ZNF624: variants seen among roughly 807,000 people sequenced by gnomAD.
The protein encoded by ZNF624 is zinc finger protein 624.
In ZNF624, 43 loss-of-function variants were observed where a neutral mutation model predicts 74.7. That is an observed-to-expected ratio of 0.58 (90% CI 0.45 to 0.74). The LOEUF (loss-of-function observed/expected upper bound fraction) is 0.74, where lower values mean the gene tolerates loss of function less well. Ranked by LOEUF, ZNF624 falls within the 30% of genes least tolerant of loss-of-function variation. The pLI is 0.00. For synonymous variants in ZNF624, 331 were observed against 341.3 expected (o/e 0.97, Z 0.33); for missense variants, 820 against 1,030.0 (o/e 0.80, Z 2.79).
intron 3 of ZNF624, among the ~76,000 whole-genome samples, chr17:16,640,335 A>T (rs999788466): frequency 2.0e-5 from 3 of 152,132 alleles, no homozygotes; most frequent in African/African-American, 7.2e-5. Flanking sequence ...CAGTAACCTA[A>T]ATTTATACCT....
intron 5 of ZNF624, among the ~76,000 whole-genome samples, chr17:16,632,558 A>C (rs1909230549): frequency 6.6e-6 from 1 of 152,194 alleles, no homozygotes; most frequent in Admixed American, 6.5e-5. Flanking sequence ...AGTATAAATA[A>C]TATCTGATAT....
chr17:16,635,216 C>T (rs1013417760), intron 3 of ZNF624, among the ~76,000 whole-genome samples: 1 of 151,926 alleles, frequency 6.6e-6, no homozygotes, highest in African/African-American at 2.4e-5. Flanking sequence ...TACATTTTAT[C>T]ATTTGTATTG....
downstream of ZNF624, among the ~76,000 whole-genome samples, chr17:16,615,879 G>T (rs928587166): frequency 4.1e-5 from 6 of 147,498 alleles, no homozygotes; most frequent in African/African-American, 7.5e-5. Flanking sequence ...AAGTCAAAAA[G>T]AATGAACAAT....
downstream of ZNF624, chr17:16,616,966 G>C (rs1908803869): frequency 1.3e-6 from 2 of 1,593,454 alleles, no homozygotes; most frequent in Non-Finnish European, 1.7e-6. Flanking sequence ...GGGTGGACCA[G>C]GTAGCGGCGA....
At chr17:16,625,877 G>A (rs1320519193) in intron 5 of ZNF624, among the ~76,000 whole-genome samples, 1 of 151,330 alleles carries the variant, frequency 6.6e-6, no homozygotes, top group Non-Finnish European at 1.5e-5. Flanking sequence ...TCATTTTCAG[G>A]TAATTATGCC....
chr17:16,648,604 C>A (rs1569049051), intron 2 of ZNF624, among the ~76,000 whole-genome samples: 1 of 152,154 alleles, frequency 6.6e-6, no homozygotes. Flanking sequence ...ATTCTGGCTA[C>A]AAAGAATAAA....
chr17:16,634,837 G>A (rs1414852725), intron 3 of ZNF624, 81 bp from the exon 4 acceptor site: 3 of 1,368,398 alleles, frequency 2.2e-6, no homozygotes, highest in Non-Finnish European at 3.0e-6. Flanking sequence ...AACTGGGGAA[G>A]AGCCCCAGAA....
chr17:16,644,449 T>C (rs1011637345), intron 3 of ZNF624, among the ~76,000 whole-genome samples: 3 of 152,128 alleles, frequency 2.0e-5, no homozygotes, highest in African/African-American at 7.2e-5. Context: ...AATTTCACCA[T>C]CCCAGACCAA....
At chr17:16,644,163 GT>G (rs1394289261) in intron 3 of ZNF624, among the ~76,000 whole-genome samples, 2 of 152,160 alleles carry the variant, frequency 1.3e-5, no homozygotes, top group Non-Finnish European at 2.9e-5. Flanking sequence ...GATACTGGCA[GT>G]ATGCTTCTTG....
intron 3 of ZNF624, 67 bp from the exon 4 acceptor site, chr17:16,634,823 A>G: frequency 6.7e-7 from 1 of 1,492,266 alleles, no homozygotes; most frequent in Non-Finnish European, 9.0e-7. Flanking sequence ...AATTATACAT[A>G]AAAAACTGGG....
In ZNF624 at chr17:16,624,035, G is replaced by A. The variant is rs534518194; in HGVS notation, c.851C>T (p.Ala284Val). Residue 284 changes from alanine (A) to valine (V), a missense_variant, in exon 6 of 6, where the codon GCC becomes GTC. Coordinates refer to ENST00000311331, the MANE Select transcript of ZNF624 (RefSeq NM_020787.4). ...AATGAGCAATGATCTATAATGAAAG[G>A]CCTTTTCGCATGTACTACATTTGTA... ...KPYKCSTCEK[A>V]FHYRSLLIQH... 2 of 1,613,582 alleles carry A rather than the reference G, an allele frequency of 1.2e-6. No homozygotes were observed. The highest frequency in any genetic ancestry group is 2.2e-5 in the South Asian group (2 of 90,936).
intron 3 of ZNF624, among the ~76,000 whole-genome samples, chr17:16,644,384 T>C (rs1031825090): frequency 1.3e-5 from 2 of 152,188 alleles, no homozygotes; most frequent in Non-Finnish European, 2.9e-5. Flanking sequence ...TAACTAAAGT[T>C]TTATTTTTAT....
chr17:16,636,835 CA>C (rs371820225), intron 3 of ZNF624, among the ~76,000 whole-genome samples: 198 of 125,288 alleles, frequency 1.6e-3, no homozygotes, highest in African/African-American at 2.1e-3. Context: ...GACTCCGTCT[CA>C]AAAAAAAAAA....
chr17:16,626,960 CAGA>C (rs1453911682), intron 5 of ZNF624, among the ~76,000 whole-genome samples: 2 of 152,044 alleles, frequency 1.3e-5, no homozygotes, highest in East Asian at 1.9e-4. Context: ...GAGGCTGAGG[CAGA>C]AGAATTGCTT....
At chr17:16,628,716 A>C (rs1412296400) in intron 5 of ZNF624, among the ~76,000 whole-genome samples, 1 of 152,162 alleles carries the variant, frequency 6.6e-6, no homozygotes, top group African/African-American at 2.4e-5. Flanking sequence ...AAGAGAAGTG[A>C]GAGAGAATGG....
chr17:16,635,517 A>C (rs1020326069), intron 3 of ZNF624, among the ~76,000 whole-genome samples: 29 of 152,174 alleles, frequency 1.9e-4, no homozygotes, highest in African/African-American at 7.0e-4. Flanking sequence ...GAGTAACATG[A>C]AACCAGCTGG....
chr17:16,652,134 C>T (rs1473402565), intron 1 of ZNF624, among the ~76,000 whole-genome samples: 1 of 152,038 alleles, frequency 6.6e-6, no homozygotes, highest in Non-Finnish European at 1.5e-5. Context: ...TCTATGCATA[C>T]CAGTAAATCT....
At chr17:16,619,213 CATAA>C (rs1395318413), downstream of ZNF624, among the ~76,000 whole-genome samples, 2 of 152,000 alleles carry the variant, frequency 1.3e-5, no homozygotes, top group African/African-American at 2.4e-5. Flanking sequence ...TACTCCATAC[CATAA>C]ATATTAATTT....
At chr17:16,640,462 AG>A (rs1286318635) in intron 3 of ZNF624, among the ~76,000 whole-genome samples, 10 of 152,224 alleles carry the variant, frequency 6.6e-5, no homozygotes, top group Middle Eastern at 6.8e-3. Flanking sequence ...GAAATAAAAA[AG>A]GGCAAAAATT....
Sources: gnomAD v4.1 joint callset for allele counts (sites outside exome capture counted in the v4.1 genomes callset) on GRCh38, gnomAD v4.1.1 for gene constraint, MANE v1.5 for transcripts, NCBI Gene and HGNC (gene_info 2026-07-23, HGNC 2026-07-21) for gene names.